Variants in KRT8 observed in about 807,000 individuals in gnomAD.
KRT8 encodes the protein keratin, type II cytoskeletal 8.
Under a neutral mutation model 43.0 loss-of-function variants are expected in KRT8, and 24 were observed. That is an observed-to-expected ratio of 0.56 (90% CI 0.40 to 0.78). KRT8 has a LOEUF of 0.78. KRT8 is among the 30% of genes least tolerant of loss of function. The pLI is 0.00. For synonymous variants in KRT8, 214 were observed against 261.2 expected (o/e 0.82, Z 1.74); for missense variants, 492 against 638.4 (o/e 0.77, Z 2.47).
exon 5 of KRT8, chr12:52,899,987 C>A (rs1175598166): frequency 1.2e-6 from 2 of 1,613,330 alleles, no homozygotes; most frequent in Non-Finnish European, 8.5e-7. Flanking sequence ...ATGATGCTGT[C>A]CATGTCCAGG....
At chr12:52,927,113 C>T (rs1565729176) in intron 2 of KRT8, among the ~76,000 whole-genome samples, 1 of 152,202 alleles carries the variant, frequency 6.6e-6, no homozygotes, top group Non-Finnish European at 1.5e-5. Context: ...GTGATTGTTT[C>T]ATGGATACCA....
intron 3 of KRT8, 105 bp from the exon 4 acceptor site, chr12:52,900,788 GC>G: frequency 1.3e-6 from 1 of 782,172 alleles, no homozygotes. Context: ...CTTTCTAGTT[GC>G]CCACTTTGTG....
chr12:52,932,670 T>C (rs1942103829), intron 2 of KRT8, among the ~76,000 whole-genome samples: 1 of 152,048 alleles, frequency 6.6e-6, no homozygotes, highest in Non-Finnish European at 1.5e-5. Flanking sequence ...CCATGGGCAG[T>C]ATGCACACCT....
At chr12:52,920,242 T>A (rs552325629) in intron 2 of KRT8, among the ~76,000 whole-genome samples, 2 of 152,344 alleles carry the variant, frequency 1.3e-5, no homozygotes, top group East Asian at 3.9e-4. Context: ...TTATTGAGCA[T>A]CTGTACTACC....
At chr12:52,908,386 T>C (rs779843166), upstream of KRT8, among the ~76,000 whole-genome samples, 4 of 152,306 alleles carry the variant, frequency 2.6e-5, no homozygotes, top group East Asian at 1.9e-4. Flanking sequence ...TTGTTCATAA[T>C]AGCCAAAGAG....
At chr12:52,902,128 G>T (rs1009370256) in intron 1 of KRT8, 56 bp from the exon 2 acceptor site, 5 of 1,152,610 alleles carry the variant, frequency 4.3e-6, no homozygotes, top group Non-Finnish European at 6.4e-6. Context: ...CTCAAAGTCT[G>T]GAGGAAAGCA....
intron 2 of KRT8, among the ~76,000 whole-genome samples, chr12:52,927,816 C>T (rs1384485307): frequency 6.6e-6 from 1 of 152,194 alleles, no homozygotes; most frequent in Non-Finnish European, 1.5e-5. Flanking sequence ...CGATGGCTCA[C>T]TCCCGTAATC....
intron 2 of KRT8, among the ~76,000 whole-genome samples, chr12:52,916,197 C>T (rs1191796981): frequency 6.6e-6 from 1 of 151,954 alleles, no homozygotes; most frequent in African/African-American, 2.4e-5. Flanking sequence ...TAAAGCAGTG[C>T]TTTAGGAAAA....
upstream of KRT8, among the ~76,000 whole-genome samples, chr12:52,905,844 A>C (rs1204914000): frequency 1.3e-5 from 2 of 152,194 alleles, no homozygotes; most frequent in Non-Finnish European, 2.9e-5. Flanking sequence ...CTGTAATCCC[A>C]GCACTTTGGG....
rs11170334 is a variant in KRT8, at chr12:52,918,174, G to A, written c.-46-13147C>T. 2.2e-3 allele frequency among the ~76,000 whole-genome samples: 72 copies of A among 33,096 alleles called. 3 individuals are homozygous for A. Among genetic ancestry groups the A allele is most frequent in the African/African-American group, 7.1e-3 (45 of 6,316 alleles). 21.7% of individuals were successfully genotyped at this position (33,096 alleles called of 152,430 possible). A position where few individuals can be genotyped will look rare whatever the true frequency, so the allele number is the denominator to read the frequency against. ...GAGAAGGGGAAGAAGAAGAAGAAGA[G>A]GAAGAGGAAGAAGAAGAAGAAGAAG... On this transcript the variant is annotated intron_variant, in intron 2 of 6. Coordinates refer to the KRT8 transcript ENST00000546826.
At chr12:52,933,315 A>T (rs984928128) in intron 2 of KRT8, among the ~76,000 whole-genome samples, 8 of 152,232 alleles carry the variant, frequency 5.3e-5, no homozygotes, top group African/African-American at 1.9e-4. Context: ...AGTATTATTT[A>T]CAATCAGATT....
In KRT8 at chr12:52,918,151, G is replaced by C. The variant is rs532566044; in HGVS notation, c.-46-13124C>G. 5.0e-5 allele frequency among the ~76,000 whole-genome samples: 7 copies of C among 139,108 alleles called. No homozygotes were observed. The South Asian group carries it at 1.7e-3, about 33-fold the overall frequency. 91.3% of individuals were successfully genotyped at this position (139,108 alleles called of 152,430 possible). The stretch of plus-strand genomic sequence containing the variant: ...AGAAGGAGGGGGAGAGGGAGAGGGA[G>C]AAGGGGAAGAAGAAGAAGAAGAGGA... On this transcript the variant is annotated intron_variant, in intron 2 of 6. Transcript: ENST00000546826.
At chr12:52,904,955 G>A in exon 1 of KRT8, 1 of 1,611,304 alleles carries the variant, frequency 6.2e-7, no homozygotes, top group Admixed American at 1.7e-5. Flanking sequence ...ACACCTTGTA[G>A]GACTTCTGGG....
intron 2 of KRT8, among the ~76,000 whole-genome samples, chr12:52,938,164 A>T (rs1241092791): frequency 3.1e-4 from 11 of 35,722 alleles, no homozygotes; most frequent in South Asian, 3.0e-3. Flanking sequence ...ATATATATAT[A>T]TATATATTTT....
At chr12:52,904,062 T>A (rs949672775) in intron 1 of KRT8, among the ~76,000 whole-genome samples, 1 of 151,626 alleles carries the variant, frequency 6.6e-6, no homozygotes, top group Admixed American at 6.6e-5. Flanking sequence ...AATCAATATT[T>A]GCCCGTTTGA....
intron 2 of KRT8, among the ~76,000 whole-genome samples, chr12:52,928,263 T>C (rs1236309501): frequency 6.6e-6 from 1 of 152,126 alleles, no homozygotes; most frequent in Non-Finnish European, 1.5e-5. Context: ...CCCAAAGCAA[T>C]GTGGCTGGAG....
chr12:52,901,037 T>G (rs4351899), intron 3 of KRT8, 122 bp downstream of exon 3: 428,703 of 801,872 alleles, frequency 0.53, 117,473 homozygotes, highest in South Asian at 0.7. Flanking sequence ...CCCAAATGTT[T>G]ACATAAATGA....
intron 2 of KRT8, among the ~76,000 whole-genome samples, chr12:52,942,977 T>G (rs975674931): frequency 2.0e-5 from 3 of 152,014 alleles, no homozygotes; most frequent in African/African-American, 7.2e-5. Context: ...CTTTTCAGGT[T>G]GCAGCTTAAA....
chr12:52,907,716 C>G (rs1361114317), upstream of KRT8, among the ~76,000 whole-genome samples: 1 of 152,200 alleles, frequency 6.6e-6, no homozygotes, highest in Non-Finnish European at 1.5e-5. Context: ...TGTCATCTCT[C>G]TATTGCCCAG....
Sources: allele counts gnomAD v4.1 joint callset (sites outside exome capture counted in the v4.1 genomes callset), GRCh38; gene constraint gnomAD v4.1.1; transcripts MANE v1.5; gene names NCBI Gene and HGNC (gene_info 2026-07-23, HGNC 2026-07-21).